PRUNE2: variants seen among roughly 807,000 people sequenced by gnomAD.
The protein encoded by PRUNE2 is prune homolog 2 with BCH domain.
A neutral mutation model predicts 252.0 loss-of-function variants in PRUNE2; 164 were observed. That is an observed-to-expected ratio of 0.65 (90% confidence interval 0.57 to 0.74). The LOEUF (loss-of-function observed/expected upper bound fraction) is 0.74. Ranked by LOEUF, PRUNE2 falls within the 30% of genes least tolerant of loss-of-function variation. The probability of loss-of-function intolerance (pLI) is 0.00; values close to 1 mark genes in which losing one functional copy is unlikely to be tolerated. For synonymous variants in PRUNE2, 1,292 were observed against 1,350.2 expected (o/e 0.96, Z 0.94); for missense variants, 3,495 against 3,711.0 (o/e 0.94, Z 1.51).
intron 6 of PRUNE2, chr9:76,783,872 A>C (rs1326225920): frequency 6.6e-6 from 1 of 152,228 alleles, no homozygotes; most frequent in Non-Finnish European, 1.5e-5. Flanking sequence ...CAGGAAGCAC[A>C]AAAGGAAGCA....
At chr9:76,686,708 T>G (rs774228069) in intron 9 of PRUNE2, among the ~76,000 whole-genome samples, 1 of 152,160 alleles carries the variant, frequency 6.6e-6, no homozygotes, top group African/African-American at 2.4e-5. Flanking sequence ...CCTCTCACTT[T>G]GTCTCCAGAG....
intron 2 of PRUNE2, among the ~76,000 whole-genome samples, chr9:76,851,972 A>G (rs6560553): frequency 0.1 from 15,398 of 152,198 alleles, 1,163 homozygotes; most frequent in African/African-American, 0.22. Context: ...TGTGCATAAC[A>G]TAAATGGCCT....
intron 5 of PRUNE2, 121 bp downstream of exon 5, chr9:76,826,459 T>A (rs1310838741): frequency 1.2e-5 from 9 of 743,644 alleles, no homozygotes; most frequent in South Asian, 2.3e-5. Flanking sequence ...GGGGATAGAG[T>A]GAGACTCTGT....
chr9:76,762,916 T>G (rs1170951612), intron 6 of PRUNE2, among the ~76,000 whole-genome samples: 1 of 152,196 alleles, frequency 6.6e-6, no homozygotes, highest in East Asian at 1.9e-4. Flanking sequence ...GGTTTCTGAT[T>G]TACAATTTTT....
Position 76,705,829 on chromosome 9 carries a change from G to C in PRUNE2, c.6445C>G (p.Pro2149Ala). Residue 2149 changes from proline (P) to alanine (A), a missense_variant, in exon 8 of 19, where the codon CCT (proline) becomes GCT (alanine). Coordinates refer to ENST00000376718, the MANE Select transcript of PRUNE2 (RefSeq NM_015225.3). Reference sequence around the variant, plus strand: ...TTGGATGGGACAAACTCCCGTCCAGGCTCATAAATGGGTTCTTCATCTATC... The same window carrying C: ...TTGGATGGGACAAACTCCCGTCCAGCCTCATAAATGGGTTCTTCATCTATC... The part of the protein sequence containing the change: ...PEIDEEPIYE[P>A]GREFVPSNAE... 1 of 1,613,510 alleles carries C rather than the reference G, an allele frequency of 6.2e-7. No homozygotes were observed. The highest frequency in any genetic ancestry group is 1.3e-5 in the African/African-American group (1 of 75,018).
chr9:76,854,076 T>G (rs1320127353), intron 2 of PRUNE2, 28 bp downstream of exon 2: 2 of 1,070,372 alleles, frequency 1.9e-6, no homozygotes, highest in East Asian at 4.8e-5. Context: ...ATTCAAAATA[T>G]AAGGAGTATT....
Position 76,614,637 on chromosome 9 carries a change from A to G in PRUNE2, c.9237-37T>C, listed in dbSNP as rs866918077. ...AGAAAAAGAGAGAGAAACATGAGAA[A>G]CCAAATGAGAGACATTTAGTAATGA... On this transcript the variant is annotated intron_variant, in intron 18 of 18. Transcript: ENST00000376718. 2.6e-6 allele frequency: 4 copies of G among 1,532,650 alleles called. No homozygotes were observed. The African/African-American group carries it at 4.1e-5, about 16-fold the overall frequency. The allele number at this position is 1,532,650 out of a possible 1,614,324, so 94.9% of individuals were successfully genotyped here. A position where few individuals can be genotyped will look rare whatever the true frequency, so the allele number is the denominator to read the frequency against.
intron 6 of PRUNE2, chr9:76,778,774 A>G (rs2054066728): frequency 6.6e-6 from 1 of 152,262 alleles, no homozygotes; most frequent in African/African-American, 2.4e-5. Context: ...TGCCCAGATT[A>G]GTACATTTGG....
intron 6 of PRUNE2, among the ~76,000 whole-genome samples, chr9:76,772,392 A>G (rs1169766241): frequency 6.6e-6 from 1 of 152,152 alleles, no homozygotes; most frequent in Non-Finnish European, 1.5e-5. Flanking sequence ...CCACAGCAAT[A>G]CATAGGTTGG....
intron 9 of PRUNE2, among the ~76,000 whole-genome samples, chr9:76,677,941 C>T (rs979268300): frequency 6.6e-6 from 1 of 152,164 alleles, no homozygotes; most frequent in South Asian, 2.1e-4. Context: ...CTGGGGCGAA[C>T]GGGACACAGT....
chr9:76,876,953 T>A (rs1057501903), intron 1 of PRUNE2, among the ~76,000 whole-genome samples: 1 of 152,124 alleles, frequency 6.6e-6, no homozygotes, highest in Non-Finnish European at 1.5e-5. Context: ...ACATAAAGCT[T>A]TCTGGAAAAG....
At chr9:76,812,483 A>G (rs962970735) in intron 6 of PRUNE2, among the ~76,000 whole-genome samples, 1 of 152,174 alleles carries the variant, frequency 6.6e-6, no homozygotes, top group Non-Finnish European at 1.5e-5. Flanking sequence ...TTTCTTCTTG[A>G]TTGTTAAATA....
At position 76,705,218 on chromosome 9, in the gene PRUNE2, A is replaced by ATCG; in HGVS notation, c.7055_7056insCGA (p.Phe2352_Glu2353insAsp). On this transcript the variant is annotated inframe_insertion, in exon 8 of 19. Transcript: ENST00000376718. ...TATTCTGGCCCATTACATCATATTC[A>ATCG]AAATCACCCCACGAGGCTTCAGATG... 1 of 1,614,028 alleles carries ATCG rather than the reference A, an allele frequency of 6.2e-7. No individual in the cohort carries two copies. Among genetic ancestry groups the ATCG allele is most frequent in the Admixed American group, 1.7e-5 (1 of 60,024 alleles).
chr9:76,792,293 G>A (rs1169376013), intron 6 of PRUNE2, among the ~76,000 whole-genome samples: 1 of 152,166 alleles, frequency 6.6e-6, no homozygotes, highest in East Asian at 1.9e-4. Flanking sequence ...TGTAAGATGT[G>A]ACTATGCTCC....
chr9:76,670,263 C>G (rs1203436952), intron 9 of PRUNE2, among the ~76,000 whole-genome samples: 1 of 152,040 alleles, frequency 6.6e-6, no homozygotes, highest in Non-Finnish European at 1.5e-5. Flanking sequence ...CAGGGAGTTC[C>G]CTTTCTGAGT....
At chr9:76,669,878 G>C (rs1270737081) in intron 9 of PRUNE2, among the ~76,000 whole-genome samples, 3 of 152,138 alleles carry the variant, frequency 2.0e-5, no homozygotes, top group Non-Finnish European at 4.4e-5. Context: ...GGGTTGAGTT[G>C]GGTAAATCTG....
intron 4 of PRUNE2, among the ~76,000 whole-genome samples, chr9:76,829,953 G>A: frequency 6.6e-6 from 1 of 151,884 alleles, no homozygotes; most frequent in Non-Finnish European, 1.5e-5. Context: ...AAACTCATGA[G>A]GAAAAGAATA....
chr9:76,780,523 TAAAA>T (rs201425099), intron 6 of PRUNE2, among the ~76,000 whole-genome samples: 1 of 150,520 alleles, frequency 6.6e-6, no homozygotes, highest in African/African-American at 2.4e-5. Flanking sequence ...CTGTTTCTAA[TAAAA>T]AAAAATACAA....
chr9:76,736,128 T>G (rs73650993), intron 6 of PRUNE2, among the ~76,000 whole-genome samples: 7,978 of 133,988 alleles, frequency 0.06, 664 homozygotes, highest in African/African-American at 0.2. Context: ...TTAGTAGGGT[T>G]TGTGTGAGTG....
Sources: gnomAD v4.1 joint callset for allele counts (sites outside exome capture counted in the v4.1 genomes callset) on GRCh38, gnomAD v4.1.1 for gene constraint, MANE v1.5 for transcripts, NCBI Gene and HGNC (gene_info 2026-07-23, HGNC 2026-07-21) for gene names.